Variants in GALNT17 observed in about 807,000 individuals in gnomAD.
GALNT17 encodes polypeptide N-acetylgalactosaminyltransferase 17.
Under a neutral mutation model 63.7 loss-of-function variants are expected in GALNT17, and 29 were observed. The observed-to-expected ratio is 0.46, with a 90% CI of 0.34 to 0.62. GALNT17 has a LOEUF of 0.62. Among genes scored for constraint, GALNT17 ranks in the 20% least tolerant of loss-of-function variants. GALNT17 has a pLI of 0.01. For synonymous variants in GALNT17, 305 were observed against 318.3 expected (o/e 0.96, Z 0.45); for missense variants, 603 against 799.6 (o/e 0.75, Z 2.97).
intron 9 of GALNT17, among the ~76,000 whole-genome samples, chr7:71,697,797 T>C (rs1172785385): frequency 6.6e-6 from 1 of 152,104 alleles, no homozygotes; most frequent in Non-Finnish European, 1.5e-5. Flanking sequence ...ATAACAAATA[T>C]TATTTAGATT....
At chr7:71,249,335 G>T (rs1205367420) in intron 1 of GALNT17, among the ~76,000 whole-genome samples, 2 of 152,108 alleles carry the variant, frequency 1.3e-5, no homozygotes, top group Admixed American at 1.3e-4. Context: ...TGGGAGACAT[G>T]TCAGTGGTCC....
intron 6 of GALNT17, among the ~76,000 whole-genome samples, chr7:71,599,442 C>G (rs1789933574): frequency 6.6e-6 from 1 of 152,182 alleles, no homozygotes; most frequent in Non-Finnish European, 1.5e-5. Flanking sequence ...AAAGTGTGGT[C>G]TTGGCTAGTG....
intron 8 of GALNT17, among the ~76,000 whole-genome samples, chr7:71,673,271 AT>A (rs1048427017): frequency 2.6e-5 from 4 of 151,988 alleles, no homozygotes; most frequent in South Asian, 2.1e-4. Flanking sequence ...TTTTGAGGAA[AT>A]TTTTTTTTAA....
chr7:71,274,035 G>GTAC (rs1790640364), intron 1 of GALNT17, among the ~76,000 whole-genome samples: 1 of 152,210 alleles, frequency 6.6e-6, no homozygotes, highest in Admixed American at 6.5e-5. Context: ...ATTTCAAGCT[G>GTAC]TACTATGCTG....
intron 1 of GALNT17, among the ~76,000 whole-genome samples, chr7:71,147,352 C>T (rs933328958): frequency 6.6e-5 from 10 of 152,078 alleles, no homozygotes; most frequent in African/African-American, 4.8e-5. Context: ...GCATCCAGCA[C>T]GGGAGAAAGA....
At chr7:71,220,918 A>T (rs1156811768) in intron 1 of GALNT17, among the ~76,000 whole-genome samples, 1 of 152,174 alleles carries the variant, frequency 6.6e-6, no homozygotes, top group African/African-American at 2.4e-5. Context: ...AAACTAATAT[A>T]TGAAGTGAAG....
intron 6 of GALNT17, among the ~76,000 whole-genome samples, chr7:71,615,295 G>GTGC (rs1175821155): frequency 6.6e-6 from 1 of 152,006 alleles, no homozygotes; most frequent in Admixed American, 6.6e-5. Context: ...CTAGCCTGCT[G>GTGC]TGCTCCCCTT....
chr7:71,522,575 GA>G (rs1265765005), intron 5 of GALNT17, among the ~76,000 whole-genome samples: 1 of 152,052 alleles, frequency 6.6e-6, no homozygotes, highest in Non-Finnish European at 1.5e-5. Flanking sequence ...AACAGTATGG[GA>G]AAGACCCTCC....
At chr7:71,242,286 T>TTTTTTTC (rs1554343530) in intron 1 of GALNT17, among the ~76,000 whole-genome samples, 40 of 132,204 alleles carry the variant, frequency 3.0e-4, no homozygotes, top group South Asian at 8.1e-4. Context: ...TTTTTTTTTT[T>TTTTTTTC]TGAGACAGAG....
chr7:71,585,459 A>C (rs7805485), intron 6 of GALNT17, among the ~76,000 whole-genome samples: 133,094 of 152,208 alleles, frequency 0.87, 59,403 homozygotes, highest in East Asian at 1. Context: ...AACTTTTCCT[A>C]CTCAACTATT....
intron 5 of GALNT17, among the ~76,000 whole-genome samples, chr7:71,551,476 C>T (rs939291532): frequency 5.3e-5 from 8 of 152,128 alleles, no homozygotes; most frequent in African/African-American, 1.4e-4. Flanking sequence ...TCATGCAAGT[C>T]TAACTTTTGG....
At chr7:71,254,719 G>T (rs768634704) in intron 1 of GALNT17, among the ~76,000 whole-genome samples, 2 of 152,064 alleles carry the variant, frequency 1.3e-5, no homozygotes, top group African/African-American at 2.4e-5. Flanking sequence ...GCTTAGATTT[G>T]ATTTTTGATT....
At chr7:71,488,829 G>C (rs536975579) in intron 5 of GALNT17, among the ~76,000 whole-genome samples, 1 of 145,722 alleles carries the variant, frequency 6.9e-6, no homozygotes, top group African/African-American at 2.5e-5. Flanking sequence ...TGATCCACCT[G>C]CCTCAACCTC....
chr7:71,393,946 G>A (rs552811928), intron 3 of GALNT17, among the ~76,000 whole-genome samples: 61 of 152,202 alleles, frequency 4.0e-4, no homozygotes, highest in African/African-American at 1.4e-3. Context: ...TTGATGGGGT[G>A]TATCGCTCCT....
intron 2 of GALNT17, among the ~76,000 whole-genome samples, chr7:71,341,797 C>T (rs1792009786): frequency 6.6e-6 from 1 of 152,166 alleles, no homozygotes; most frequent in South Asian, 2.1e-4. Context: ...AGCACATGCT[C>T]CAGCAAAACA....
At chr7:71,299,382 A>G (rs1418615545) in intron 1 of GALNT17, among the ~76,000 whole-genome samples, 1 of 152,164 alleles carries the variant, frequency 6.6e-6, no homozygotes, top group Non-Finnish European at 1.5e-5. Context: ...AACACATGCT[A>G]CCTCATGAAT....
intron 1 of GALNT17, among the ~76,000 whole-genome samples, chr7:71,212,329 G>A (rs1008329359): frequency 1.3e-5 from 2 of 152,216 alleles, no homozygotes; most frequent in Non-Finnish European, 1.5e-5. Context: ...AAGAATTGAG[G>A]TTTGGGAACC....
intron 3 of GALNT17, among the ~76,000 whole-genome samples, chr7:71,396,301 G>A (rs2960875): frequency 8.5e-5 from 13 of 152,128 alleles, no homozygotes; most frequent in Non-Finnish European, 1.8e-4. Context: ...TATGGTTTGA[G>A]GTAGGGATCC....
chr7:71,429,204 G>GAAGGGGA (rs3061704), intron 5 of GALNT17, among the ~76,000 whole-genome samples: 28,976 of 151,946 alleles, frequency 0.19, 2,973 homozygotes, highest in East Asian at 0.37. Flanking sequence ...GGAACAGGGA[G>GAAGGGGA]AAGGGGAAAG....
Sources: allele counts gnomAD v4.1 joint callset (sites outside exome capture counted in the v4.1 genomes callset), GRCh38; gene constraint gnomAD v4.1.1; transcripts MANE v1.5; gene names NCBI Gene and HGNC (gene_info 2026-07-23, HGNC 2026-07-21).